SLX4IP: variants seen among roughly 807,000 people sequenced by gnomAD.
SLX4IP encodes protein SLX4IP.
SLX4IP carries 34 observed loss-of-function variants against 32.9 expected under a neutral mutation model. The observed-to-expected ratio is 1.03, with a 90% confidence interval of 0.79 to 1.38. The LOEUF (loss-of-function observed/expected upper bound fraction) is 1.38, where lower values mean the gene tolerates loss of function less well. Ranked by LOEUF, SLX4IP falls within the 40% of genes most tolerant of loss-of-function variation. The probability of loss-of-function intolerance (pLI) is 0.00; values close to 1 mark genes in which losing one functional copy is unlikely to be tolerated. For synonymous variants in SLX4IP, 172 were observed against 171.7 expected, an observed-to-expected ratio of 1.00 and a Z score of -0.01; for missense variants, 444 against 479.0, an observed-to-expected ratio of 0.93 and a Z score of 0.68.
intron 2 of SLX4IP, among the ~76,000 whole-genome samples, chr20:10,496,534 A>G (rs905422830): frequency 1.1e-4 from 16 of 152,264 alleles, no homozygotes; most frequent in African/African-American, 2.9e-4. Flanking sequence ...AGGTTTTTCT[A>G]TCTTTTGCTT....
At chr20:10,491,945 T>G (rs636753) in intron 2 of SLX4IP, among the ~76,000 whole-genome samples, 59,461 of 152,068 alleles carry the variant, frequency 0.39, 11,849 homozygotes, top group Non-Finnish European at 0.43. Context: ...ATAAACAACA[T>G]TTGGTATTGA....
At chr20:10,586,485 T>C (rs1414359297) in intron 4 of SLX4IP, among the ~76,000 whole-genome samples, 3 of 152,200 alleles carry the variant, frequency 2.0e-5, no homozygotes, top group East Asian at 3.9e-4. Context: ...AATTAATCAG[T>C]CACAAGGAAT....
At chr20:10,490,163 TA>T (rs1325713242) in intron 2 of SLX4IP, among the ~76,000 whole-genome samples, 2 of 147,646 alleles carry the variant, frequency 1.4e-5, no homozygotes, top group African/African-American at 5.0e-5. Context: ...CAAAAGGAGA[TA>T]TTTTTAGTAT....
At chr20:10,524,040 G>A (rs1474155460) in intron 2 of SLX4IP, among the ~76,000 whole-genome samples, 1 of 152,216 alleles carries the variant, frequency 6.6e-6, no homozygotes, top group Non-Finnish European at 1.5e-5. Flanking sequence ...CTTCCTGGCT[G>A]GCTGGGGGAC....
chr20:10,568,769 G>A (rs182657290), intron 4 of SLX4IP, among the ~76,000 whole-genome samples: 168 of 152,316 alleles, frequency 1.1e-3, no homozygotes, highest in African/African-American at 3.8e-3. Flanking sequence ...TGTGGATTCT[G>A]TCAGTTGCAG....
At chr20:10,516,085 A>G (rs191429313) in intron 2 of SLX4IP, among the ~76,000 whole-genome samples, 513 of 152,220 alleles carry the variant, frequency 3.4e-3, no homozygotes, top group South Asian at 0.025. Flanking sequence ...ACGGGGTTTC[A>G]CCATGCTGTC....
chr20:10,448,735 G>C (rs1018045886), intron 1 of SLX4IP, among the ~76,000 whole-genome samples: 6 of 152,188 alleles, frequency 3.9e-5, no homozygotes, highest in Admixed American at 2.6e-4. Context: ...GGAGCTAGCA[G>C]CTCACAGGGG....
At chr20:10,534,316 G>A (rs1158523233) in intron 2 of SLX4IP, among the ~76,000 whole-genome samples, 1 of 152,180 alleles carries the variant, frequency 6.6e-6, no homozygotes, top group African/African-American at 2.4e-5. Flanking sequence ...CCTTCTGTGG[G>A]CTAGGCATTG....
At chr20:10,611,973 A>G (rs2066972186) in intron 6 of SLX4IP, among the ~76,000 whole-genome samples, 1 of 152,220 alleles carries the variant, frequency 6.6e-6, no homozygotes, top group Non-Finnish European at 1.5e-5. Context: ...CAGGCCTCCT[A>G]GACTCATTTC....
At chr20:10,551,867 T>C (rs1467056965) in intron 2 of SLX4IP, among the ~76,000 whole-genome samples, 1 of 152,190 alleles carries the variant, frequency 6.6e-6, no homozygotes, top group Non-Finnish European at 1.5e-5. Flanking sequence ...TGCTCTGAGC[T>C]GCAGCAGGAG....
intron 4 of SLX4IP, among the ~76,000 whole-genome samples, chr20:10,585,605 C>T (rs1028970511): frequency 3.3e-5 from 5 of 150,138 alleles, no homozygotes; most frequent in African/African-American, 9.9e-5. Context: ...TTTTTTGAGA[C>T]GGAGTCTCAC....
At chr20:10,555,211 A>C (rs1397483693) in intron 2 of SLX4IP, among the ~76,000 whole-genome samples, 2 of 151,758 alleles carry the variant, frequency 1.3e-5, no homozygotes, top group Non-Finnish European at 2.9e-5. Flanking sequence ...AAAAAAAAAC[A>C]AAACTGTCCA....
At chr20:10,593,479 A>T (rs1016927740) in intron 4 of SLX4IP, among the ~76,000 whole-genome samples, 1 of 152,188 alleles carries the variant, frequency 6.6e-6, no homozygotes, top group East Asian at 1.9e-4. Context: ...TCACACCTGT[A>T]ATCTCAGCAT....
intron 2 of SLX4IP, among the ~76,000 whole-genome samples, chr20:10,505,631 T>G (rs2065753109): frequency 6.6e-6 from 1 of 152,196 alleles, no homozygotes. Flanking sequence ...TTTCTACCAC[T>G]TGATCCTGGG....
intron 6 of SLX4IP, among the ~76,000 whole-genome samples, chr20:10,608,014 T>A (rs1246706093): frequency 6.6e-6 from 1 of 152,176 alleles, no homozygotes; most frequent in Non-Finnish European, 1.5e-5. Flanking sequence ...TGAATGAGGA[T>A]CATTAGATAG....
intron 2 of SLX4IP, among the ~76,000 whole-genome samples, chr20:10,529,316 C>T (rs190347404): frequency 2.0e-5 from 3 of 152,084 alleles, no homozygotes; most frequent in Admixed American, 6.5e-5. Context: ...GGACCAGGCG[C>T]GGTGGCTCAC....
intron 6 of SLX4IP, 33 bp downstream of exon 6, chr20:10,601,852 T>G: frequency 6.4e-7 from 1 of 1,559,904 alleles, no homozygotes; most frequent in Non-Finnish European, 8.8e-7. Flanking sequence ...AACAAATAAG[T>G]CTGCTTAAAT....
chr20:10,562,351 C>T (rs943746013), intron 4 of SLX4IP, among the ~76,000 whole-genome samples: 8 of 152,134 alleles, frequency 5.3e-5, no homozygotes, highest in Non-Finnish European at 1.0e-4. Flanking sequence ...TGGTCTTCCC[C>T]TGGAGTTGGG....
rs185910695 is a variant in SLX4IP at position 10,568,056 on chromosome 20, G to A, written c.238+7236G>A. On this transcript the variant is annotated intron_variant, in intron 4 of 7. Coordinates refer to ENST00000334534, the MANE Select transcript of SLX4IP (RefSeq NM_001009608.3). Reference sequence around the variant, plus strand: ...ATTTCTTAGTAGTAAGGGGTACAAGGTGTAAAAAACTTGACTTTCCTTTTA... The same window carrying A: ...ATTTCTTAGTAGTAAGGGGTACAAGATGTAAAAAACTTGACTTTCCTTTTA... 2.0e-5 allele frequency among the ~76,000 whole-genome samples: 3 copies of A among 152,324 alleles called. No homozygotes were observed. The East Asian group carries it at 5.8e-4, about 29-fold the overall frequency.
Sources: gnomAD v4.1 joint callset for allele counts (sites outside exome capture counted in the v4.1 genomes callset) on GRCh38, gnomAD v4.1.1 for gene constraint, MANE v1.5 for transcripts, NCBI Gene and HGNC (gene_info 2026-07-23, HGNC 2026-07-21) for gene names.